PRUNE2: variants seen among roughly 807,000 people sequenced by gnomAD.
PRUNE2 encodes prune homolog 2 with BCH domain.
In PRUNE2, 164 loss-of-function variants were observed where a neutral mutation model predicts 252.0. That is an observed-to-expected ratio of 0.65 (90% CI 0.57 to 0.74). The LOEUF (loss-of-function observed/expected upper bound fraction) is 0.74. Ranked by LOEUF, PRUNE2 falls within the 30% of genes least tolerant of loss-of-function variation. The pLI is 0.00. For synonymous variants in PRUNE2, 1,292 were observed against 1,350.2 expected (o/e 0.96, Z 0.94); for missense variants, 3,495 against 3,711.0 (o/e 0.94, Z 1.51).
At chr9:76,758,161 C>T (rs2051335140) in intron 6 of PRUNE2, among the ~76,000 whole-genome samples, 1 of 152,090 alleles carries the variant, frequency 6.6e-6, no homozygotes, top group Non-Finnish European at 1.5e-5. Flanking sequence ...ACTAAACTTC[C>T]AAAAGCAGCG....
At chr9:76,814,093 C>T (rs142430908) in intron 6 of PRUNE2, among the ~76,000 whole-genome samples, 4,256 of 152,282 alleles carry the variant, frequency 0.028, 181 homozygotes, top group African/African-American at 0.094. Context: ...GGATTACAGG[C>T]GTGAGCCACT....
At chr9:76,804,287 T>C (rs1250467328) in intron 6 of PRUNE2, among the ~76,000 whole-genome samples, 1 of 152,202 alleles carries the variant, frequency 6.6e-6, no homozygotes, top group East Asian at 1.9e-4. Flanking sequence ...TTCCAAACTA[T>C]TGCCCAGGCT....
At chr9:76,774,747 C>A (rs1007748322) in intron 6 of PRUNE2, among the ~76,000 whole-genome samples, 2 of 152,178 alleles carry the variant, frequency 1.3e-5, no homozygotes, top group South Asian at 4.1e-4. Context: ...GTGTGAGCCA[C>A]TAGGCCCGAC....
chr9:76,854,597 T>C (rs2060140125), intron 1 of PRUNE2, among the ~76,000 whole-genome samples: 1 of 152,222 alleles, frequency 6.6e-6, no homozygotes, highest in Non-Finnish European at 1.5e-5. Context: ...TTTTTTCATA[T>C]GTGTCTGGCA....
Position 76,636,972 on chromosome 9 carries a change from AATGT to A in PRUNE2, c.8964-419_8964-416del, listed in dbSNP as rs1348785443. Among the ~76,000 whole-genome samples the A allele has an allele frequency of 9.6e-3, 1,257 of 131,530 alleles. 29 individuals carry two copies. Among genetic ancestry groups the A allele is most frequent in the East Asian group, 0.034 (164 of 4,802 alleles). The allele number at this position is 131,530 out of a possible 152,430, so 86.3% of individuals were successfully genotyped here. A position where few individuals can be genotyped will look rare whatever the true frequency, so the allele number is the denominator to read the frequency against. ...CTCCAACAACAACGACAACAACAAA[AATGT>A]GTGTGTGTGTGTGTGTGTGTGTGTG... On this transcript the variant is annotated intron_variant, in intron 14 of 18. Coordinates refer to ENST00000376718, the MANE Select transcript of PRUNE2 (RefSeq NM_015225.3).
intron 3 of PRUNE2, among the ~76,000 whole-genome samples, chr9:76,847,524 G>C (rs929680670): frequency 5.3e-5 from 8 of 152,002 alleles, no homozygotes; most frequent in African/African-American, 1.9e-4. Flanking sequence ...CACACATTTA[G>C]TGAGTAGACT....
intron 9 of PRUNE2, among the ~76,000 whole-genome samples, chr9:76,678,612 G>A (rs904780603): frequency 2.7e-4 from 41 of 152,068 alleles, no homozygotes; most frequent in African/African-American, 4.6e-4. Flanking sequence ...GGCGGATGAC[G>A]AGGTCAGGAG....
intron 15 of PRUNE2, among the ~76,000 whole-genome samples, chr9:76,632,873 G>A (rs1838309213): frequency 6.6e-6 from 1 of 152,170 alleles, no homozygotes; most frequent in Non-Finnish European, 1.5e-5. Flanking sequence ...GTCCCTGAGT[G>A]AAGGATGATT....
At chr9:76,852,810 ATCTATCTATCTATCT>A (rs1015317068) in intron 2 of PRUNE2, among the ~76,000 whole-genome samples, 3 of 33,606 alleles carry the variant, frequency 8.9e-5, no homozygotes, top group Admixed American at 4.7e-4. Context: ...CTGTCTGTCT[ATCTATCTATCTATCT>A]ATCTATCTAT....
At chr9:76,764,708 G>A (rs1031513650) in intron 6 of PRUNE2, among the ~76,000 whole-genome samples, 2 of 152,240 alleles carry the variant, frequency 1.3e-5, no homozygotes, top group African/African-American at 2.4e-5. Context: ...GACAGCAGAA[G>A]GGTAGGAGCA....
intron 9 of PRUNE2, 45 bp from the exon 10 acceptor site, chr9:76,655,547 G>A (rs1848859789): frequency 7.1e-7 from 1 of 1,400,064 alleles, no homozygotes; most frequent in Non-Finnish European, 1.0e-6. Context: ...AACTGTGTAA[G>A]ACTTCATTTC....
At position 76,710,328 on chromosome 9, in the gene PRUNE2, G is replaced by A; in HGVS notation, c.1946C>T (p.Thr649Ile). 1 of 1,613,998 alleles carries A rather than the reference G, an allele frequency of 6.2e-7. No homozygotes were observed. Among genetic ancestry groups the A allele is most frequent in the Non-Finnish European group, 8.5e-7 (1 of 1,179,894 alleles). ...CCACCAGCTGCTGCACCGTGCATGG[G>A]TCTGAGGTGGCCCCATGTGACCTGT... ...TDTGHMGPPQ[T>I]HARCSSWWGG... The change falls in exon 8 of 19, where the codon ACC (threonine) becomes ATC (isoleucine). Residue 649 changes from threonine (T) to isoleucine (I), a missense_variant. Thr to Ile is a moderately conservative substitution (Grantham distance 89). Coordinates refer to ENST00000376718, the MANE Select transcript of PRUNE2 (RefSeq NM_015225.3).
intron 6 of PRUNE2, among the ~76,000 whole-genome samples, chr9:76,777,087 A>G (rs1346652364): frequency 2.6e-5 from 4 of 151,946 alleles, no homozygotes; most frequent in African/African-American, 4.8e-5. Context: ...CCCCTGCCCC[A>G]TAGCCCTTGA....
intron 6 of PRUNE2, among the ~76,000 whole-genome samples, chr9:76,740,904 A>G (rs1193238221): frequency 6.6e-6 from 1 of 152,100 alleles, no homozygotes; most frequent in African/African-American, 2.4e-5. Context: ...TCTCCTAGAC[A>G]CTCTTACATA....
At chr9:76,645,358 A>G (rs1405272851) in intron 11 of PRUNE2, among the ~76,000 whole-genome samples, 2 of 152,182 alleles carry the variant, frequency 1.3e-5, no homozygotes, top group African/African-American at 2.4e-5. Flanking sequence ...TGGGGCCCTC[A>G]GCTTGGAATC....
intron 1 of PRUNE2, among the ~76,000 whole-genome samples, chr9:76,860,084 G>A (rs1424177184): frequency 4.6e-5 from 7 of 152,136 alleles, no homozygotes; most frequent in Non-Finnish European, 1.5e-5. Flanking sequence ...AACTCACAGG[G>A]GTGTCTAAAC....
intron 9 of PRUNE2, among the ~76,000 whole-genome samples, chr9:76,674,696 G>C (rs947590195): frequency 1.4e-5 from 2 of 140,148 alleles, no homozygotes; most frequent in Non-Finnish European, 3.2e-5. Context: ...AAACAGCATG[G>C]TACTGGTACC....
chr9:76,715,200 A>T (rs930816918), intron 6 of PRUNE2, among the ~76,000 whole-genome samples: 4 of 152,188 alleles, frequency 2.6e-5, no homozygotes, highest in Non-Finnish European at 5.9e-5. Context: ...CCATACCCAC[A>T]TTAATGTCTA....
intron 1 of PRUNE2, among the ~76,000 whole-genome samples, chr9:76,860,549 G>T (rs923502957): frequency 1.6e-4 from 25 of 152,190 alleles, no homozygotes; most frequent in African/African-American, 6.0e-4. Flanking sequence ...TTCACAAGGA[G>T]CCCTTGCAAT....
Sources: allele counts gnomAD v4.1 joint callset (sites outside exome capture counted in the v4.1 genomes callset), GRCh38; gene constraint gnomAD v4.1.1; transcripts MANE v1.5; gene names NCBI Gene and HGNC (gene_info 2026-07-23, HGNC 2026-07-21).